Variants in ADAM19 observed in about 807,000 individuals in gnomAD.
The protein encoded by ADAM19 is ADAM metallopeptidase domain 19.
In ADAM19, 65 loss-of-function variants were observed where a neutral mutation model predicts 114.7. That is an observed-to-expected ratio of 0.57 (90% CI 0.46 to 0.70). ADAM19 has a LOEUF of 0.70. ADAM19 is among the 30% of genes least tolerant of loss of function. The pLI is 0.00. For missense variants in ADAM19, 1,063 were observed against 1,204.7 expected, an observed-to-expected ratio of 0.88 and a Z score of 1.74; for synonymous variants, 466 against 460.5, an observed-to-expected ratio of 1.01 and a Z score of -0.15.
chr5:157,489,716 T>C (rs1384858188), intron 19 of ADAM19, among the ~76,000 whole-genome samples: 1 of 152,252 alleles, frequency 6.6e-6, no homozygotes, highest in African/African-American at 2.4e-5. Context: ...CTGGGCATGG[T>C]GGCTCATGCT....
chr5:157,489,207 A>C, intron 19 of ADAM19, 21 bp from the exon 20 acceptor site: 1 of 1,557,884 alleles, frequency 6.4e-7, no homozygotes, highest in South Asian at 1.1e-5. Context: ...GAAATGGGGG[A>C]GGAAAAGAAA....
intron 3 of ADAM19, among the ~76,000 whole-genome samples, chr5:157,560,830 G>A (rs915247001): frequency 1.3e-5 from 2 of 152,232 alleles, no homozygotes; most frequent in Non-Finnish European, 2.9e-5. Flanking sequence ...GTTTTACAAT[G>A]AGCATGCTTT....
At chr5:157,526,132 C>G (rs1756445668) in intron 5 of ADAM19, among the ~76,000 whole-genome samples, 1 of 151,404 alleles carries the variant, frequency 6.6e-6, no homozygotes, top group East Asian at 1.9e-4. Context: ...AGGGTGATCT[C>G]ATTTGGATTA....
At chr5:157,526,910 C>T (rs889504789) in intron 5 of ADAM19, among the ~76,000 whole-genome samples, 41 of 152,212 alleles carry the variant, frequency 2.7e-4, no homozygotes, top group African/African-American at 8.2e-4. Flanking sequence ...CGTGAGCCAC[C>T]GCGCCTGGCC....
chr5:157,546,669 T>C (rs1757059530), intron 3 of ADAM19, among the ~76,000 whole-genome samples: 1 of 152,214 alleles, frequency 6.6e-6, no homozygotes, highest in African/African-American at 2.4e-5. Flanking sequence ...CTTGATATAA[T>C]GCAGCCATTA....
chr5:157,484,096 C>G (rs1047990905), intron 21 of ADAM19, among the ~76,000 whole-genome samples: 2 of 152,074 alleles, frequency 1.3e-5, no homozygotes, highest in African/African-American at 4.8e-5. Context: ...TTACTATTAC[C>G]TTCATGTTCT....
At position 157,522,532 on chromosome 5, in the gene ADAM19, TC is replaced by T. The variant is rs1288618909; in HGVS notation, c.408-2502del. Among the ~76,000 whole-genome samples, 6 of 152,278 alleles carry T rather than the reference TC, an allele frequency of 3.9e-5. No individual in the cohort carries two copies. The South Asian group carries it at 1.0e-3, about 26-fold the overall frequency. On this transcript the variant is annotated intron_variant, in intron 5 of 22. Transcript: ENST00000257527. ...TGGGCGCTGTGGCTCACACCTGTAA[TC>T]CCAGCACTTTGGGAGGCCAAGGCGG...
At chr5:157,495,872 G>A (rs1489019563) in intron 14 of ADAM19, among the ~76,000 whole-genome samples, 1 of 150,550 alleles carries the variant, frequency 6.6e-6, no homozygotes, top group Admixed American at 6.6e-5. Flanking sequence ...GACCTCAGGT[G>A]ATCCACCTGC....
At chr5:157,508,437 T>C (rs1444645153) in intron 9 of ADAM19, among the ~76,000 whole-genome samples, 3 of 152,124 alleles carry the variant, frequency 2.0e-5, no homozygotes, top group Non-Finnish European at 2.9e-5. Context: ...GGCAAAATCC[T>C]GTCTCTATTA....
intron 5 of ADAM19, among the ~76,000 whole-genome samples, chr5:157,526,713 C>T (rs1464064025): frequency 5.3e-5 from 8 of 151,866 alleles, no homozygotes; most frequent in South Asian, 2.1e-4. Context: ...CTCTGCCTCC[C>T]GGGTTCAAAC....
At chr5:157,488,202 T>C (rs1755012766) in intron 21 of ADAM19, 63 bp downstream of exon 21, 23 of 1,507,480 alleles carry the variant, frequency 1.5e-5, no homozygotes, top group Non-Finnish European at 2.1e-5. Context: ...CCTTTGCCAT[T>C]ACCCATTGAA....
chr5:157,566,767 C>T (rs1234209870), intron 2 of ADAM19: 1 of 152,166 alleles, frequency 6.6e-6, no homozygotes. Flanking sequence ...CTCACTGCAG[C>T]CTCAACCTCC....
intron 5 of ADAM19, among the ~76,000 whole-genome samples, chr5:157,525,224 C>T (rs963912505): frequency 5.9e-5 from 9 of 152,126 alleles, no homozygotes; most frequent in African/African-American, 1.9e-4. Context: ...ATGCCTGACA[C>T]GGAGGTAGCA....
intron 21 of ADAM19, among the ~76,000 whole-genome samples, chr5:157,484,833 G>A (rs1365973210): frequency 6.6e-6 from 1 of 152,212 alleles, no homozygotes; most frequent in African/African-American, 2.4e-5. Flanking sequence ...AACTGGGAAA[G>A]GCTGTGCTCC....
intron 3 of ADAM19, among the ~76,000 whole-genome samples, chr5:157,544,942 G>C (rs867882264): frequency 6.6e-6 from 1 of 152,124 alleles, no homozygotes; most frequent in African/African-American, 2.4e-5. Flanking sequence ...TAAGACACAG[G>C]GGAAATGAAG....
chr5:157,488,543 T>C, intron 20 of ADAM19, 54 bp from the exon 21 acceptor site: 2 of 1,404,658 alleles, frequency 1.4e-6, no homozygotes, highest in Non-Finnish European at 9.7e-7. Flanking sequence ...AGGGCTGGCC[T>C]TGTGTGTCTC....
chr5:157,566,993 T>G (rs1399688090), intron 2 of ADAM19, among the ~76,000 whole-genome samples: 1 of 152,216 alleles, frequency 6.6e-6, no homozygotes, highest in African/African-American at 2.4e-5. Flanking sequence ...GAAGTCCCTT[T>G]CAATCCACAA....
In ADAM19 at chr5:157,484,913, C is replaced by T. The variant is rs371525861; in HGVS notation, c.2551-2970G>A. Among the ~76,000 whole-genome samples the T allele has an allele frequency of 1.1e-3, 161 of 152,390 alleles. 1 individual carries two copies. The highest frequency in any genetic ancestry group is 6.8e-3 in the Middle Eastern group (2 of 294). On this transcript the variant is annotated intron_variant, in intron 21 of 22. Transcript: ENST00000257527. ...CAGGAGCCTCATCAGCATGTCAGCACTGGGCCTCCCAGGGCAACCAGCCAC... is the reference window on the plus strand; with the variant it reads ...CAGGAGCCTCATCAGCATGTCAGCATTGGGCCTCCCAGGGCAACCAGCCAC...
chr5:157,502,947 G>A lies in ADAM19; in HGVS notation c.1164C>T (p.Asn388=). Residue 388 remains asparagine, a synonymous_variant, in exon 12 of 23, where the codon AAC becomes AAT. Transcript: ENST00000257527. ...HPFPKVFNGC[N]RRELDRYLQS... ...GCAGATACCTGTCCAGCTCCCTCCT[G>A]TTGCATCCATTGAACACTTTGGGAA... is the stretch of plus-strand genomic sequence containing the variant. 1.9e-6 allele frequency: 3 copies of A among 1,614,130 alleles called. No homozygotes were observed. The highest frequency in any genetic ancestry group is 2.5e-6 in the Non-Finnish European group (3 of 1,180,008).
Sources: gnomAD v4.1 joint callset for allele counts (sites outside exome capture counted in the v4.1 genomes callset) on GRCh38, gnomAD v4.1.1 for gene constraint, MANE v1.5 for transcripts, NCBI Gene and HGNC (gene_info 2026-07-23, HGNC 2026-07-21) for gene names.